Variants in LGALS3 observed in about 807,000 individuals in gnomAD.
LGALS3 encodes galectin 3.
LGALS3 carries 18 observed loss-of-function variants against 20.7 expected under a neutral mutation model. That is an observed-to-expected ratio of 0.87 (90% CI 0.60 to 1.29). The LOEUF is 1.29. Among genes scored for constraint, LGALS3 ranks in the 50% most tolerant of loss-of-function variants. The pLI, the probability that LGALS3 is intolerant of heterozygous loss-of-function variation, is 0.00. For missense variants in LGALS3, 315 were observed against 314.7 expected (o/e 1.00, Z -0.01); for synonymous variants, 112 against 119.6 (o/e 0.94, Z 0.42).
intron 2 of LGALS3, chr14:55,137,637 GA>G: frequency 7.0e-7 from 1 of 1,433,838 alleles, no homozygotes; most frequent in Non-Finnish European, 9.1e-7. Context: ...GCCCAGGGCG[GA>G]AGGGAGTGGA....
chr14:55,141,615 A>AG (rs1881624800), intron 4 of LGALS3, among the ~76,000 whole-genome samples: 2 of 152,244 alleles, frequency 1.3e-5, no homozygotes, highest in African/African-American at 4.8e-5. Flanking sequence ...CTTAAAAAAA[A>AG]CTGTTGCTTA....
intron 1 of LGALS3, among the ~76,000 whole-genome samples, chr14:55,134,278 A>T (rs1275111889): frequency 6.6e-6 from 1 of 152,214 alleles, no homozygotes; most frequent in Non-Finnish European, 1.5e-5. Flanking sequence ...TGAAGCCAGC[A>T]ATGCTGCTGA....
intron 1 of LGALS3, among the ~76,000 whole-genome samples, chr14:55,133,407 CTATA>C (rs1881290059): frequency 6.6e-6 from 1 of 152,096 alleles, no homozygotes; most frequent in African/African-American, 2.4e-5. Context: ...GTATCAAACC[CTATA>C]TATACTGTTT....
rs4652 is a variant in LGALS3, at chr14:55,138,318, A to C, written c.292A>C (p.Thr98Pro). Residue 98 changes from threonine (T) to proline (P), a missense_variant, in exon 3 of 6, where the codon ACC (threonine) becomes CCC (proline). Coordinates refer to ENST00000254301, the MANE Select transcript of LGALS3 (RefSeq NM_002306.4). ...CCCATCTTCTGGACAGCCAAGTGCCACCGGAGCCTACCCTGCCACTGGCCC... is the reference window on the plus strand; with the variant it reads ...CCCATCTTCTGGACAGCCAAGTGCCCCCGGAGCCTACCCTGCCACTGGCCC... ...AYPSSGQPSA[T>P]GAYPATGPYG... 0.46 allele frequency: 733,576 copies of C among 1,611,258 alleles called. 175,477 individuals carry two copies. The highest frequency in any genetic ancestry group is 0.88 in the African/African-American group (65,849 of 74,970).
chr14:55,135,073 G>A (rs951706466), intron 1 of LGALS3, among the ~76,000 whole-genome samples: 9 of 151,970 alleles, frequency 5.9e-5, no homozygotes, highest in African/African-American at 1.9e-4. Context: ...AGGATCACAT[G>A]AGCCTGGGAG....
intron 5 of LGALS3, among the ~76,000 whole-genome samples, chr14:55,144,111 G>A (rs111367178): frequency 3.9e-5 from 6 of 152,280 alleles, no homozygotes; most frequent in African/African-American, 1.2e-4. Context: ...CTATTTTCGT[G>A]TTTTTCTTTT....
At chr14:55,139,271 G>T (rs1305480504) in intron 3 of LGALS3, among the ~76,000 whole-genome samples, 3 of 152,192 alleles carry the variant, frequency 2.0e-5, no homozygotes, top group Admixed American at 2.0e-4. Context: ...GAGTCATAGA[G>T]GACTCTGACT....
intron 3 of LGALS3, 128 bp from the exon 4 acceptor site, chr14:55,140,147 G>A: frequency 3.3e-6 from 2 of 608,176 alleles, no homozygotes; most frequent in East Asian, 3.0e-5. Context: ...TGAGAGTCTG[G>A]ACAGATGGCA....
At position 55,138,333 on chromosome 14, in the gene LGALS3, G is replaced by A. The variant is rs776822059; in HGVS notation, c.307G>A (p.Ala103Thr). The A allele has an allele frequency of 2.5e-6, 4 of 1,612,756 alleles. No homozygotes were observed. Among genetic ancestry groups the A allele is most frequent in the Non-Finnish European group, 3.4e-6 (4 of 1,179,884 alleles). The change falls in exon 3 of 6, where the codon GCC (alanine) becomes ACC (threonine). Residue 103 changes from alanine (A) to threonine (T), a missense_variant. Coordinates refer to ENST00000254301, the MANE Select transcript of LGALS3 (RefSeq NM_002306.4). ...GCCAAGTGCCACCGGAGCCTACCCT[G>A]CCACTGGCCCCTATGGCGCCCCTGC... ...GQPSATGAYP[A>T]TGPYGAPAGP...
chr14:55,138,110 C>A lies in LGALS3; in HGVS notation c.84C>A (p.Asn28Lys). The A allele has an allele frequency of 6.5e-7, 1 of 1,541,280 alleles. No homozygotes were observed. Among genetic ancestry groups the A allele is most frequent in the Non-Finnish European group, 8.7e-7 (1 of 1,148,054 alleles). The stretch of plus-strand genomic sequence containing the variant: ...AAGGATGGCCTGGCGCATGGGGGAA[C>A]CAGCCTGCTGGGGCAGGGGGCTACC... ...NPQGWPGAWG[N>K]QPAGAGGYPG... The change falls in exon 3 of 6, where the codon AAC becomes AAA. Residue 28 changes from asparagine to lysine, a missense_variant. Asn to Lys is a moderately conservative substitution (Grantham distance 94). Transcript: ENST00000254301.
rs1881162452 is a variant in LGALS3, at chr14:55,129,463, C to A, written c.-5+163C>A. Among the ~76,000 whole-genome samples, 1 of 152,046 alleles carries A rather than the reference C, an allele frequency of 6.6e-6. No homozygotes were observed. Among genetic ancestry groups the A allele is most frequent in the African/African-American group, 2.4e-5 (1 of 41,424 alleles). The stretch of plus-strand genomic sequence containing the variant: ...TGTGCTCTGCCCTCCAGGAGCGGGG[C>A]GGCGGGCAGCGATCTGGGCCCGGGG... On this transcript the variant is annotated intron_variant, in intron 1 of 5. Transcript: ENST00000254301. This position sits in a 1 kb window ranked among gnomAD's most constrained non-coding sequence, Gnocchi z 5.3.
Position 55,137,383 on chromosome 14 carries a change from A to G in LGALS3, c.10A>G (p.Asn4Asp), listed in dbSNP as rs1881435253. Residue 4 changes from asparagine to aspartate, a missense_variant, in exon 2 of 6, where the codon AAT (asparagine) becomes GAT (aspartate). Asn to Asp is a conservative substitution (Grantham distance 23). Transcript: ENST00000254301. MAD[N>D]FSLHDALSGS... ...TGTTTCTTTCAGGAAAATGGCAGACAATTTTTCGGTAAGTGTTTTATGCCT... is the reference window on the plus strand; with the variant it reads ...TGTTTCTTTCAGGAAAATGGCAGACGATTTTTCGGTAAGTGTTTTATGCCT... 3 of 1,613,984 alleles carry G rather than the reference A, an allele frequency of 1.9e-6. No homozygotes were observed. The South Asian group carries it at 3.3e-5, about 18-fold the overall frequency.
chr14:55,138,637 T>C (rs11850516), intron 3 of LGALS3, among the ~76,000 whole-genome samples: 16,442 of 152,180 alleles, frequency 0.11, 2,476 homozygotes, highest in African/African-American at 0.34. Flanking sequence ...TTATTAACAC[T>C]TACGGAGTAC....
At chr14:55,135,560 G>GTTTTTTTTTT (rs762172869) in intron 1 of LGALS3, among the ~76,000 whole-genome samples, 1 of 106,564 alleles carries the variant, frequency 9.4e-6, no homozygotes, top group Non-Finnish European at 1.7e-5. Context: ...ATATTTTATG[G>GTTTTTTTTTT]TTTTTTTTTT....
chr14:55,137,403 A>ATGCC lies in LGALS3; in HGVS notation c.18+15_18+18dup, dbSNP rs2140292339. ...CAGACAATTTTTCGGTAAGTGTTTTATGCCTGTTTCTTCCCCTTGATCAGC... is the reference window on the plus strand; with the variant it reads ...CAGACAATTTTTCGGTAAGTGTTTTATGCCTGCCTGTTTCTTCCCCTTGATCAGC... On this transcript the variant is annotated intron_variant, in intron 2 of 5. Transcript: ENST00000254301. 6.2e-7 allele frequency: 1 copy of ATGCC among 1,614,128 alleles called. No individual in the cohort carries two copies. The highest frequency in any genetic ancestry group is 1.3e-5 in the African/African-American group (1 of 75,024).
intron 1 of LGALS3, among the ~76,000 whole-genome samples, chr14:55,133,826 CCTT>C: frequency 6.6e-6 from 1 of 152,106 alleles, no homozygotes; most frequent in Non-Finnish European, 1.5e-5. Flanking sequence ...TATGGAAATG[CCTT>C]CTTTATTTGA....
chr14:55,141,099 C>T (rs1881607676), intron 4 of LGALS3, among the ~76,000 whole-genome samples: 1 of 152,172 alleles, frequency 6.6e-6, no homozygotes. Flanking sequence ...AATCCATAAA[C>T]AGTCTCAGTG....
In LGALS3 at chr14:55,129,528, A is replaced by T. The variant is rs1881164700; in HGVS notation, c.-5+228A>T. On this transcript the variant is annotated intron_variant, in intron 1 of 5. Transcript: ENST00000254301. This position sits in a 1 kb window ranked among gnomAD's most constrained non-coding sequence, Gnocchi z 5.3. ...TATCGAGGGCGCTGGCGTTCGGGGA[A>T]GGTTGGCAGCACCTTACGAGACCCA... Among the ~76,000 whole-genome samples, 1 of 151,956 alleles carries T rather than the reference A, an allele frequency of 6.6e-6. No individual in the cohort carries two copies. Among genetic ancestry groups the T allele is most frequent in the African/African-American group, 2.4e-5 (1 of 41,396 alleles).
At chr14:55,132,011 T>C (rs1374748104) in intron 1 of LGALS3, among the ~76,000 whole-genome samples, 2 of 152,192 alleles carry the variant, frequency 1.3e-5, no homozygotes, top group African/African-American at 4.8e-5. Flanking sequence ...GTAGTCTTCT[T>C]CTGTGACGGT....
Sources: allele counts gnomAD v4.1 joint callset (sites outside exome capture counted in the v4.1 genomes callset), GRCh38; gene constraint gnomAD v4.1.1; non-coding constraint Gnocchi (gnomAD v3.1); transcripts MANE v1.5; gene names NCBI Gene and HGNC (gene_info 2026-07-23, HGNC 2026-07-21).